SUGCT: variants seen among roughly 807,000 people sequenced by gnomAD.
The protein encoded by SUGCT is succinyl-CoA:glutarate CoA-transferase.
In SUGCT, 41 loss-of-function variants were observed where a neutral mutation model predicts 55.0. That is an observed-to-expected ratio of 0.74 (90% CI 0.58 to 0.97). The LOEUF is 0.97. Among genes scored for constraint, SUGCT ranks in the 50% least tolerant of loss-of-function variants. SUGCT has a pLI of 0.00. For synonymous variants in SUGCT, 187 were observed against 200.4 expected, an observed-to-expected ratio of 0.93 and a Z score of 0.56; for missense variants, 568 against 547.8, an observed-to-expected ratio of 1.04 and a Z score of -0.37.
chr7:40,174,476 A>G (rs908613282), intron 1 of SUGCT, among the ~76,000 whole-genome samples: 5 of 152,188 alleles, frequency 3.3e-5, no homozygotes, highest in African/African-American at 1.2e-4. Flanking sequence ...TCATTCTTCA[A>G]TAAAGTTAAT....
At chr7:40,260,237 T>C (rs1791131875) in intron 7 of SUGCT, among the ~76,000 whole-genome samples, 1 of 152,230 alleles carries the variant, frequency 6.6e-6, no homozygotes, top group South Asian at 2.1e-4. Flanking sequence ...TTTTTACTTA[T>C]GCTGCTAATA....
At chr7:40,177,451 G>A (rs1464491789) in intron 1 of SUGCT, among the ~76,000 whole-genome samples, 2 of 151,982 alleles carry the variant, frequency 1.3e-5, no homozygotes, top group African/African-American at 4.8e-5. Flanking sequence ...GGGGTTGTCC[G>A]ATTTCACAAA....
intron 9 of SUGCT, among the ~76,000 whole-genome samples, chr7:40,425,261 C>A (rs1346377564): frequency 6.6e-6 from 1 of 151,922 alleles, no homozygotes; most frequent in African/African-American, 2.4e-5. Flanking sequence ...TAAACATGGC[C>A]CCAAACACTC....
chr7:40,584,948 G>A (rs1450209902), intron 12 of SUGCT, among the ~76,000 whole-genome samples: 1 of 152,154 alleles, frequency 6.6e-6, no homozygotes, highest in African/African-American at 2.4e-5. Context: ...TCTAAGGCAA[G>A]TGCATTGTAA....
chr7:40,327,144 C>T (rs1411588559), intron 9 of SUGCT, among the ~76,000 whole-genome samples: 1 of 152,138 alleles, frequency 6.6e-6, no homozygotes, highest in Admixed American at 6.6e-5. Flanking sequence ...ATTGTATGAA[C>T]CCCCAGCCCC....
At chr7:40,565,991 A>ACG (rs746788227) in intron 12 of SUGCT, among the ~76,000 whole-genome samples, 18 of 98,614 alleles carry the variant, frequency 1.8e-4, no homozygotes, top group African/African-American at 6.0e-4. Flanking sequence ...ACACACACAC[A>ACG]CGCACACACA....
intron 6 of SUGCT, among the ~76,000 whole-genome samples, chr7:40,226,451 C>T (rs1026327392): frequency 6.6e-6 from 1 of 152,134 alleles, no homozygotes; most frequent in African/African-American, 2.4e-5. Flanking sequence ...ATTTAGTTCT[C>T]ACAAGGGTAC....
chr7:40,903,248 G>A, the SUGCT span, among the ~76,000 whole-genome samples: 1 of 152,218 alleles, frequency 6.6e-6, no homozygotes, highest in Admixed American at 6.5e-5. Context: ...CTGTGCAGCT[G>A]GACGGAGGTG....
intron 9 of SUGCT, among the ~76,000 whole-genome samples, chr7:40,436,393 A>G (rs1258053439): frequency 6.6e-6 from 1 of 152,050 alleles, no homozygotes; most frequent in Non-Finnish European, 1.5e-5. Context: ...CACTATGTAT[A>G]CTCTGTGTTT....
chr7:40,188,160 G>A (rs1327005440), intron 3 of SUGCT, among the ~76,000 whole-genome samples: 7 of 151,880 alleles, frequency 4.6e-5, no homozygotes, highest in Non-Finnish European at 7.4e-5. Flanking sequence ...ATGGATGGGC[G>A]CGGTGGCTCA....
chr7:40,256,889 G>A (rs138031820), intron 7 of SUGCT, among the ~76,000 whole-genome samples: 1 of 151,710 alleles, frequency 6.6e-6, no homozygotes, highest in African/African-American at 2.4e-5. Flanking sequence ...GACTACAGGC[G>A]CCCACTACCA....
the SUGCT span, among the ~76,000 whole-genome samples, chr7:40,987,943 T>A: frequency 6.6e-6 from 1 of 152,028 alleles, no homozygotes; most frequent in African/African-American, 2.4e-5. Flanking sequence ...TGAAACTTGT[T>A]CTCTTTCTCT....
intron 9 of SUGCT, among the ~76,000 whole-genome samples, chr7:40,411,704 C>G (rs1786703287): frequency 6.6e-6 from 1 of 152,114 alleles, no homozygotes; most frequent in African/African-American, 2.4e-5. Context: ...TGATTTCCAA[C>G]AGATCCGTTG....
Position 40,188,393 on chromosome 7 carries a change from C to T in SUGCT, c.227-102C>T, listed in dbSNP as rs902128316. ...AGGTTGCAGTGAGCAGAGATCGTTC[C>T]TCTGCACTCCAGCCTGGGCAACAGA... is the stretch of plus-strand genomic sequence containing the variant. On this transcript the variant is annotated intron_variant, in intron 3 of 13. Transcript: ENST00000335693. 1.0e-5 allele frequency: 8 copies of T among 797,260 alleles called. No homozygotes were observed. The African/African-American group carries it at 1.5e-4, about 15-fold the overall frequency. The allele number at this position is 797,260 out of a possible 1,614,324, so 49.4% of individuals were successfully genotyped here. A position where few individuals can be genotyped will look rare whatever the true frequency, so the allele number is the denominator to read the frequency against.
chr7:40,182,849 C>A (rs1257164040), intron 3 of SUGCT, among the ~76,000 whole-genome samples: 1 of 152,116 alleles, frequency 6.6e-6, no homozygotes, highest in Non-Finnish European at 1.5e-5. Context: ...AGCATTGAGA[C>A]TGAGATTACA....
chr7:40,630,445 C>A (rs145686305), intron 12 of SUGCT, among the ~76,000 whole-genome samples: 1 of 152,026 alleles, frequency 6.6e-6, no homozygotes, highest in African/African-American at 2.4e-5. Flanking sequence ...GAAGAAAGAG[C>A]GACCAACAGA....
In SUGCT at chr7:40,316,838, A is replaced by G. The variant is rs569109110; in HGVS notation, c.799A>G (p.Ser267Gly). 113 of 1,589,096 alleles carry G rather than the reference A, an allele frequency of 7.1e-5. No individual in the cohort carries two copies. The highest frequency in any genetic ancestry group is 5.1e-4 in the South Asian group (44 of 86,608). Residue 267 changes from serine to glycine, a missense_variant, in exon 9 of 14, where the codon AGT becomes GGT. Ser to Gly is a moderately conservative substitution (Grantham distance 56). Coordinates refer to ENST00000335693, the MANE Select transcript of SUGCT (RefSeq NM_001193313.2). Reference protein sequence around the residue: ...EAKRWGTAHGSIVPYQAFKTK... With the variant: ...EAKRWGTAHGGIVPYQAFKTK... ...AAAACGTTGGGGTACAGCTCATGGC[A>G]GTATCGTTCCTTACCAGGTAAGACT...
At chr7:40,772,407 T>C (rs1454939266) in intron 13 of SUGCT, among the ~76,000 whole-genome samples, 1 of 152,144 alleles carries the variant, frequency 6.6e-6, no homozygotes, top group Non-Finnish European at 1.5e-5. Context: ...CACAAGCAAT[T>C]CTTTAAATAA....
the SUGCT span, among the ~76,000 whole-genome samples, chr7:40,899,298 T>G: frequency 6.6e-6 from 1 of 152,144 alleles, no homozygotes; most frequent in Non-Finnish European, 1.5e-5. Context: ...GTGAGCAACC[T>G]TCCTTAAGGC....
Sources: gnomAD v4.1 joint callset for allele counts (sites outside exome capture counted in the v4.1 genomes callset) on GRCh38, gnomAD v4.1.1 for gene constraint, MANE v1.5 for transcripts, NCBI Gene and HGNC (gene_info 2026-07-23, HGNC 2026-07-21) for gene names.